The following BTBD9 variants were observed in gnomAD, a reference collection of about 807,000 sequenced individuals.
BTBD9 encodes BTB/POZ domain-containing protein 9.
A neutral mutation model predicts 64.3 loss-of-function variants in BTBD9; 49 were observed. That is an observed-to-expected ratio of 0.76 (90% CI 0.61 to 0.97). BTBD9 has a LOEUF of 0.97. Ranked by LOEUF, BTBD9 falls within the 50% of genes least tolerant of loss-of-function variation. BTBD9 has a pLI of 0.00. For synonymous variants in BTBD9, 260 were observed against 274.7 expected (o/e 0.95, Z 0.53); for missense variants, 598 against 762.1 (o/e 0.78, Z 2.53).
At chr6:38,467,223 T>A (rs1247247647) in intron 6 of BTBD9, among the ~76,000 whole-genome samples, 1 of 152,128 alleles carries the variant, frequency 6.6e-6, no homozygotes, top group African/African-American at 2.4e-5. Context: ...TAGAAAAGGA[T>A]CTCATTCTAT....
At chr6:38,587,949 C>T in intron 4 of BTBD9, 2 of 727,852 alleles carry the variant, frequency 2.7e-6, no homozygotes, top group Middle Eastern at 2.9e-4. Flanking sequence ...TGTTCAGGAA[C>T]ATCTGACAGC....
chr6:38,624,444 A>G (rs1456839697), intron 1 of BTBD9, among the ~76,000 whole-genome samples: 4 of 152,142 alleles, frequency 2.6e-5, no homozygotes, highest in Non-Finnish European at 5.9e-5. Flanking sequence ...TCTTGAAGTC[A>G]GAGAGACCAC....
intron 6 of BTBD9, 72 bp downstream of exon 6, chr6:38,577,528 C>G: frequency 2.8e-6 from 4 of 1,422,868 alleles, no homozygotes; most frequent in Non-Finnish European, 3.8e-6. Context: ...ATGAAAAATG[C>G]AGTTCTGCTT....
chr6:38,519,347 A>G (rs563216438), intron 6 of BTBD9, among the ~76,000 whole-genome samples: 1 of 152,240 alleles, frequency 6.6e-6, no homozygotes, highest in Non-Finnish European at 1.5e-5. Flanking sequence ...ATAAGTATTG[A>G]ATTCTATAAT....
chr6:38,491,211 G>A (rs1054530089), intron 6 of BTBD9, among the ~76,000 whole-genome samples: 2 of 152,240 alleles, frequency 1.3e-5, no homozygotes, highest in South Asian at 4.1e-4. Flanking sequence ...ACAGATGAAA[G>A]TGATGTCCTC....
At chr6:38,222,448 AC>A (rs1763241339) in intron 9 of BTBD9, among the ~76,000 whole-genome samples, 2 of 151,702 alleles carry the variant, frequency 1.3e-5, no homozygotes, top group East Asian at 3.9e-4. Context: ...TTTAGTAGAG[AC>A]GGGGTTTCAC....
At position 38,495,211 on chromosome 6, in the gene BTBD9, G is replaced by A. The variant is rs371355088; in HGVS notation, c.1154+82389C>T. On this transcript the variant is annotated intron_variant, in intron 6 of 10. Coordinates refer to ENST00000481247, the MANE Select transcript of BTBD9 (RefSeq NM_001099272.2). ...CAGGCAAATAACATCTCTGTGTTTC[G>A]TTTCTTCATCTATGAAATGAAGATA... Among the ~76,000 whole-genome samples, 23 of 152,216 alleles carry A rather than the reference G, an allele frequency of 1.5e-4. No individual in the cohort carries two copies. In the East Asian group the frequency reaches 3.9e-3, roughly 26 times the overall value.
At chr6:38,200,189 G>A (rs538066456) in intron 9 of BTBD9, among the ~76,000 whole-genome samples, 1 of 152,248 alleles carries the variant, frequency 6.6e-6, no homozygotes, top group Non-Finnish European at 1.5e-5. Context: ...TACTGTCACT[G>A]AAGGTGGCAC....
At chr6:38,552,518 G>C (rs1324213641) in intron 6 of BTBD9, among the ~76,000 whole-genome samples, 2 of 152,132 alleles carry the variant, frequency 1.3e-5, no homozygotes, top group African/African-American at 4.8e-5. Flanking sequence ...AGTGGCTCAG[G>C]CCTGTAATCC....
chr6:38,248,214 A>G (rs1305664909), intron 9 of BTBD9, among the ~76,000 whole-genome samples: 1 of 152,124 alleles, frequency 6.6e-6, no homozygotes, highest in African/African-American at 2.4e-5. Flanking sequence ...AAACACCTAG[A>G]TTGGGGGAAA....
At chr6:38,337,658 C>T (rs935198369) in intron 7 of BTBD9, among the ~76,000 whole-genome samples, 9 of 152,222 alleles carry the variant, frequency 5.9e-5, no homozygotes, top group African/African-American at 2.2e-4. Context: ...CCATACCTTG[C>T]CAATGTGACT....
intron 8 of BTBD9, among the ~76,000 whole-genome samples, chr6:38,278,583 T>C (rs998817504): frequency 2.4e-4 from 37 of 152,166 alleles, no homozygotes; most frequent in African/African-American, 8.7e-4. Context: ...TTACCATGGG[T>C]TGTGTTGTCC....
At chr6:38,321,005 GA>G (rs1260821813) in intron 7 of BTBD9, among the ~76,000 whole-genome samples, 1 of 152,176 alleles carries the variant, frequency 6.6e-6, no homozygotes, top group African/African-American at 2.4e-5. Context: ...ATTTGCTGGG[GA>G]CAGCAATTTC....
At chr6:38,608,345 A>G (rs1430199602) in intron 1 of BTBD9, among the ~76,000 whole-genome samples, 1 of 152,196 alleles carries the variant, frequency 6.6e-6, no homozygotes, top group Non-Finnish European at 1.5e-5. Flanking sequence ...TAGAGCCAAA[A>G]AGCAATGAAA....
intron 7 of BTBD9, among the ~76,000 whole-genome samples, chr6:38,334,575 A>AATAACATAACATAAC (rs372624753): frequency 1.5e-4 from 21 of 142,516 alleles, no homozygotes; most frequent in Admixed American, 2.9e-4. Context: ...TCTCAAAAAT[A>AATAACATAACATAAC]ATAACATAAC....
rs201717620 is a variant in BTBD9, at chr6:38,521,133, A to T, written c.1154+56467T>A. ...GTACCCACAAAAACTGAAAATAATT[A>T]AAAAAAAAAAAAGATATGACCTGTA... is the stretch of plus-strand genomic sequence containing the variant. On this transcript the variant is annotated intron_variant, in intron 6 of 10. Transcript: ENST00000481247. Among the ~76,000 whole-genome samples the T allele has an allele frequency of 1.5e-3, 136 of 93,654 alleles. No individual in the cohort carries two copies. In the East Asian group the frequency reaches 0.039, roughly 27 times the overall value. The allele number at this position is 93,654 out of a possible 152,430, so 61.4% of individuals were successfully genotyped here.
intron 6 of BTBD9, among the ~76,000 whole-genome samples, chr6:38,476,041 G>A (rs1770864210): frequency 1.3e-5 from 2 of 152,168 alleles, no homozygotes; most frequent in South Asian, 2.1e-4. Context: ...TCGATTTCCT[G>A]AATGTCCATT....
intron 6 of BTBD9, among the ~76,000 whole-genome samples, chr6:38,356,030 C>T (rs1764714566): frequency 6.6e-6 from 1 of 152,094 alleles, no homozygotes; most frequent in Non-Finnish European, 1.5e-5. Context: ...TGCCTGTGAA[C>T]CTTCTAGTTT....
chr6:38,369,465 A>G (rs1765327767), intron 6 of BTBD9, among the ~76,000 whole-genome samples: 1 of 152,090 alleles, frequency 6.6e-6, no homozygotes, highest in Non-Finnish European at 1.5e-5. Flanking sequence ...CCTAATATCC[A>G]TCTGAGGACA....
Sources: allele counts gnomAD v4.1 joint callset (sites outside exome capture counted in the v4.1 genomes callset), GRCh38; gene constraint gnomAD v4.1.1; transcripts MANE v1.5; gene names NCBI Gene and HGNC (gene_info 2026-07-23, HGNC 2026-07-21).